The following LRRC56 variants were observed in gnomAD, a reference collection of about 807,000 sequenced individuals.
LRRC56 encodes leucine rich repeat containing 56.
A neutral mutation model predicts 47.8 loss-of-function variants in LRRC56; 41 were observed. That is an observed-to-expected ratio of 0.86 (90% CI 0.67 to 1.11). The LOEUF (loss-of-function observed/expected upper bound fraction) is 1.11, where lower values mean the gene tolerates loss of function less well. LRRC56 is among the 50% of genes most tolerant of loss of function. The pLI is 0.00. For synonymous variants in LRRC56, 387 were observed against 311.2 expected (o/e 1.24, Z -2.56); for missense variants, 759 against 704.2 (o/e 1.08, Z -0.88).
chr11:552,574 T>G lies in LRRC56; in HGVS notation c.1187T>G (p.Leu396Arg). 1.3e-6 allele frequency: 2 copies of G among 1,553,062 alleles called. No homozygotes were observed. Among genetic ancestry groups the G allele is most frequent in the Non-Finnish European group, 1.8e-6 (2 of 1,137,184 alleles). Residue 396 changes from leucine to arginine, a missense_variant, in exon 13 of 14, where the codon CTC (leucine) becomes CGC (arginine). By Grantham distance (102) the Leu-to-Arg change is moderately radical (BLOSUM62 -2). Transcript: ENST00000270115. ...TCCTCCTCTCCCCACCCTAGCCCCC[T>G]CCCCTATAGGCACCCGGAGTCCCAA... is the stretch of plus-strand genomic sequence containing the variant. ...RAWREHGVRP[L>R]PYRHPESQQE...
chr11:552,846 C>T lies in LRRC56; in HGVS notation c.1315+144C>T, dbSNP rs376718740. 291 of 749,280 alleles carry T rather than the reference C, an allele frequency of 3.9e-4. 5 individuals carry two copies. The South Asian group carries it at 4.1e-3, about 11-fold the overall frequency. The allele number at this position is 749,280 out of a possible 1,614,324, so 46.4% of individuals were successfully genotyped here. ...CTGAGAGGGACTGTAACAGGGAGGCCCCCTTCTGGGGGTGGGGGGCTCACG... is the reference window on the plus strand; with the variant it reads ...CTGAGAGGGACTGTAACAGGGAGGCTCCCTTCTGGGGGTGGGGGGCTCACG... On this transcript the variant is annotated intron_variant, in intron 13 of 13. Coordinates refer to ENST00000270115, the MANE Select transcript of LRRC56 (RefSeq NM_198075.4).
chr11:536,601 C>G (rs940247872), upstream of LRRC56, among the ~76,000 whole-genome samples: 2 of 152,090 alleles, frequency 1.3e-5, no homozygotes, highest in African/African-American at 4.8e-5. Flanking sequence ...GAAACCCTGT[C>G]TCTACTAAAA....
the LRRC56 span, among the ~76,000 whole-genome samples, chr11:511,580 C>T: frequency 0.03 from 4,547 of 152,330 alleles, 77 homozygotes; most frequent in Middle Eastern, 0.041. Flanking sequence ...GAAAACTTTG[C>T]CCCATAAGGG....
At chr11:524,555 C>T in the LRRC56 span, among the ~76,000 whole-genome samples, 2 of 151,860 alleles carry the variant, frequency 1.3e-5, no homozygotes, top group African/African-American at 4.8e-5. Flanking sequence ...CGCTTGAACC[C>T]GGGAGGCGGA....
upstream of LRRC56, among the ~76,000 whole-genome samples, chr11:536,069 C>T (rs979015829): frequency 1.3e-5 from 2 of 152,216 alleles, no homozygotes; most frequent in African/African-American, 2.4e-5. Context: ...TGCCCTTCCG[C>T]GCAGGTGGAG....
the LRRC56 span, among the ~76,000 whole-genome samples, chr11:530,754 GGAGTGTGGCGTCCCCTGGAGAGAAGGGC>G: frequency 4.8e-5 from 2 of 41,980 alleles, no homozygotes; most frequent in Non-Finnish European, 8.3e-5. Flanking sequence ...GAGAGAAGGG[GGAGTGTGGCGTCCCCTGGAGAGAAGGGC>G]GAGTGTGGCG....
intron 8 of LRRC56, among the ~76,000 whole-genome samples, chr11:550,669 C>T (rs1196959990): frequency 2.0e-5 from 3 of 152,192 alleles, no homozygotes; most frequent in Non-Finnish European, 2.9e-5. Flanking sequence ...CGGGGCTCTG[C>T]GTGCCCTGCT....
At chr11:517,866 T>C in the LRRC56 span, among the ~76,000 whole-genome samples, 1 of 152,248 alleles carries the variant, frequency 6.6e-6, no homozygotes, top group Non-Finnish European at 1.5e-5. Context: ...TCTATAACCT[T>C]ACCCCCAACC....
chr11:532,775 A>G, upstream of LRRC56: 2 of 1,611,116 alleles, frequency 1.2e-6, no homozygotes, highest in South Asian at 2.2e-5. Context: ...GAGGGATGGG[A>G]TCAGGAGGGA....
chr11:532,897 G>A (rs922077630), upstream of LRRC56: 93 of 838,406 alleles, frequency 1.1e-4, no homozygotes, highest in African/African-American at 2.0e-4. Context: ...CCACACACAC[G>A]GGAAGCTGGA....
chr11:535,288 A>G (rs1015544858), upstream of LRRC56: 1 of 52,960 alleles, frequency 1.9e-5, no homozygotes, highest in African/African-American at 8.1e-5. Flanking sequence ...GGCCCCACCC[A>G]CCCGCCGCCG....
chr11:522,288 CAG>C, the LRRC56 span, among the ~76,000 whole-genome samples: 117 of 151,764 alleles, frequency 7.7e-4, 1 homozygote, highest in Middle Eastern at 3.4e-3. Flanking sequence ...TTGTTTGAGA[CAG>C]AGTCTCACTC....
Position 552,714 on chromosome 11 carries a change from G to C in LRRC56, c.1315+12G>C. On this transcript the variant is annotated intron_variant, in intron 13 of 13. Transcript: ENST00000270115. ...AAGCCTGGCCTCAGGTACTGAGCCT[G>C]CCCGCCTGCCCCCCAGTGCCTGGGA... The C allele has an allele frequency of 3.8e-6, 6 of 1,587,738 alleles. No individual in the cohort carries two copies. The highest frequency in any genetic ancestry group is 5.1e-6 in the Non-Finnish European group (6 of 1,166,664).
upstream of LRRC56, chr11:536,785 A>C (rs1303598894): frequency 6.6e-6 from 1 of 152,302 alleles, no homozygotes; most frequent in Non-Finnish European, 1.5e-5. Context: ...GGCGTTTTAC[A>C]GTCAGGCAAA....
intron 3 of LRRC56, among the ~76,000 whole-genome samples, chr11:539,977 G>A (rs965513612): frequency 7.9e-5 from 12 of 152,218 alleles, no homozygotes; most frequent in Admixed American, 2.0e-4. Flanking sequence ...AGCTGGGTCC[G>A]TGGATAGTCA....
rs761972881 is a variant in LRRC56, at chr11:541,657, C to G, written c.265+33C>G. On this transcript the variant is annotated intron_variant, in intron 5 of 13. Coordinates refer to ENST00000270115, the MANE Select transcript of LRRC56 (RefSeq NM_198075.4). The surrounding 1 kb of genome is among the most constrained non-coding windows in gnomAD (Gnocchi z 4.1). ...TCTTCCCACCCCGCCATGGCCACGGCCACGGCCACGCCTCCCTGTAAACAA... is the reference window on the plus strand; with the variant it reads ...TCTTCCCACCCCGCCATGGCCACGGGCACGGCCACGCCTCCCTGTAAACAA... The G allele has an allele frequency of 1.5e-6, 2 of 1,343,500 alleles. No homozygotes were observed. Among genetic ancestry groups the G allele is most frequent in the Non-Finnish European group, 2.1e-6 (2 of 969,874 alleles). 83.2% of individuals were successfully genotyped at this position (1,343,500 alleles called of 1,614,324 possible). A position where few individuals can be genotyped will look rare whatever the true frequency, so the allele number is the denominator to read the frequency against.
At chr11:542,242 C>T (rs1291495935) in intron 5 of LRRC56, among the ~76,000 whole-genome samples, 2 of 152,052 alleles carry the variant, frequency 1.3e-5, no homozygotes, top group Non-Finnish European at 2.9e-5. Flanking sequence ...GTGCCCCACA[C>T]ACCCACGCCA....
intron 6 of LRRC56, among the ~76,000 whole-genome samples, chr11:546,478 A>C (rs190898371): frequency 6.6e-6 from 1 of 151,906 alleles, no homozygotes; most frequent in South Asian, 2.1e-4. Context: ...TGAGGCAGGA[A>C]AATGGCGTGA....
At chr11:549,515 G>A (rs1326213928) in intron 6 of LRRC56, among the ~76,000 whole-genome samples, 1 of 152,224 alleles carries the variant, frequency 6.6e-6, no homozygotes, top group African/African-American at 2.4e-5. Flanking sequence ...GTGTCCAGGG[G>A]CTCAGGCTCC....
Sources: allele counts gnomAD v4.1 joint callset (sites outside exome capture counted in the v4.1 genomes callset), GRCh38; gene constraint gnomAD v4.1.1; non-coding constraint Gnocchi (gnomAD v3.1); transcripts MANE v1.5; gene names NCBI Gene and HGNC (gene_info 2026-07-23, HGNC 2026-07-21).